COMMD5: variants seen among roughly 807,000 people sequenced by gnomAD.
COMMD5 encodes the protein COMM domain-containing protein 5.
COMMD5 carries 10 observed loss-of-function variants against 6.9 expected under a neutral mutation model. The ratio of observed to expected loss-of-function variants is 1.44; its 90% CI spans 0.89 to 2.45. The LOEUF (loss-of-function observed/expected upper bound fraction) is 2.45. Ranked by LOEUF, COMMD5 falls within the 30% of genes most tolerant of loss-of-function variation. COMMD5 has a pLI of 0.00. For synonymous variants in COMMD5, 127 were observed against 125.3 expected (o/e 1.01, Z -0.09); for missense variants, 234 against 287.8 (o/e 0.81, Z 1.35).
downstream of COMMD5, among the ~76,000 whole-genome samples, chr8:144,845,490 G>A (rs575395052): frequency 3.9e-5 from 6 of 152,278 alleles, no homozygotes; most frequent in African/African-American, 7.2e-5. Context: ...GCTGATGGCA[G>A]GTGGCTTGCT....
At chr8:144,841,419 C>T (rs371057783) in exon 2 of COMMD5, 8 of 1,614,054 alleles carry the variant, frequency 5.0e-6, no homozygotes, top group Non-Finnish European at 5.9e-6. Context: ...AATCAGAATC[C>T]TATGGGACAG....
chr8:144,837,992 A>G, downstream of COMMD5: 1 of 685,318 alleles, frequency 1.5e-6, no homozygotes, highest in South Asian at 1.5e-5. Context: ...AACAACAGAA[A>G]TTTATTGTCT....
Position 144,850,889 on chromosome 8 carries a change from C to G in COMMD5, c.450G>C (p.Pro150=). Residue 150 remains proline (P), a synonymous_variant, in exon 2 of 2, where the codon CCG becomes CCC. Transcript: ENST00000305103. This position sits in a 1 kb window ranked among gnomAD's most constrained non-coding sequence, Gnocchi z 4.0. ...CCCGCCACCGAAAGTCAGCAACATG[C>G]GGCAGCCAGGCCCCCTGCTGCTGGG... ...SVAQQQGAWL[P]HVADFRWRVD... 6.2e-7 allele frequency: 1 copy of G among 1,611,214 alleles called. No homozygotes were observed.
chr8:144,851,827 C>T (rs1456964882), intron 1 of COMMD5, among the ~76,000 whole-genome samples: 1 of 152,166 alleles, frequency 6.6e-6, no homozygotes, highest in African/African-American at 2.4e-5. Context: ...TTACCATTCT[C>T]ACCTGACAGA....
In COMMD5 at chr8:144,842,117, G is replaced by A. The variant is rs141409063; in HGVS notation, c.*117-374C>T. 9.4e-4 allele frequency: 1,511 copies of A among 1,613,856 alleles called. 20 individuals carry two copies. Among genetic ancestry groups the A allele is most frequent in the Admixed American group, 1.2e-3 (70 of 60,006 alleles). On this transcript the variant is annotated intron_variant and NMD_transcript_variant, in intron 1 of 1. Coordinates refer to the COMMD5 transcript ENST00000530332. ...ACAGGAGAGAGGCCCTATGGTTGTC[G>A]TGAGTGTGGGAAAGCCTTCAGCCAG...
At chr8:144,838,101 G>T (rs147468047), downstream of COMMD5, 43 of 702,960 alleles carry the variant, frequency 6.1e-5, no homozygotes, top group African/African-American at 7.5e-4. Flanking sequence ...CTGCCTCTCC[G>T]GGCAGCTGGT....
chr8:144,840,431 G>A (rs189113793), downstream of COMMD5, among the ~76,000 whole-genome samples: 5 of 152,144 alleles, frequency 3.3e-5, no homozygotes, highest in Admixed American at 6.5e-5. Context: ...GGGTAGACTC[G>A]GGCTGGTTAT....
chr8:144,850,821 T>G lies in COMMD5; in HGVS notation c.518A>C (p.Gln173Pro), dbSNP rs1830701529. ...CTTCAGCTGCATCAGGACGCTCGGC[T>G]GCAGGGAGCGAGCCAGGGCACTGGT... ...ISTSALARSL[Q>P]PSVLMQLKLS... The change falls in exon 2 of 2, where the codon CAG becomes CCG. Residue 173 changes from glutamine (Q) to proline (P), a missense_variant. Coordinates refer to ENST00000305103, the MANE Select transcript of COMMD5 (RefSeq NM_014066.4). This position sits in a 1 kb window ranked among gnomAD's most constrained non-coding sequence, Gnocchi z 4.0. 2 of 1,613,924 alleles carry G rather than the reference T, an allele frequency of 1.2e-6. No homozygotes were observed. The highest frequency in any genetic ancestry group is 1.7e-6 in the Non-Finnish European group (2 of 1,180,046).
Position 144,851,300 on chromosome 8 carries a change from A to G in COMMD5, c.39T>C (p.His13=), listed in dbSNP as rs1256312035. 2.5e-6 allele frequency: 4 copies of G among 1,613,662 alleles called. No homozygotes were observed. The highest frequency in any genetic ancestry group is 3.3e-4 in the Middle Eastern group (2 of 6,082). The change falls in exon 2 of 2, where the codon CAT becomes CAC. Residue 13 remains histidine, a synonymous_variant. Transcript: ENST00000305103. The part of the protein sequence containing the change: ...AVGAATPYLH[H]PGDSHSGRVS... ...CTCGGCCACTGTGACTATCACCAGGATGATGCAGGTATGGAGTTGCAGCCC... is the reference window on the plus strand; with the variant it reads ...CTCGGCCACTGTGACTATCACCAGGGTGATGCAGGTATGGAGTTGCAGCCC...
chr8:144,844,686 G>C (rs918786407), intron 1 of COMMD5, among the ~76,000 whole-genome samples: 1 of 141,340 alleles, frequency 7.1e-6, no homozygotes, highest in Non-Finnish European at 1.5e-5. Context: ...TCCAGCCTGG[G>C]TGACAAGAGT....
At position 144,853,001 on chromosome 8, in the gene COMMD5, G is replaced by C. The variant is rs1830820771; in HGVS notation, c.-220C>G. ...CGAGTCGCCCCCAGCACCTGGCGCCGGCAATCCCCGGCTGATGCAGCCAAA... is the reference window on the plus strand; with the variant it reads ...CGAGTCGCCCCCAGCACCTGGCGCCCGCAATCCCCGGCTGATGCAGCCAAA... On this transcript the variant is annotated 5_prime_UTR_variant, in exon 1 of 2. Transcript: ENST00000305103. 6.6e-6 allele frequency: 1 copy of C among 152,440 alleles called. No homozygotes were observed. 9.4% of individuals were successfully genotyped at this position (152,440 alleles called of 1,614,324 possible). A position where few individuals can be genotyped will look rare whatever the true frequency, so the allele number is the denominator to read the frequency against.
Position 144,850,718 on chromosome 8 carries a change from G to A in COMMD5, c.621C>T (p.Val207=), listed in dbSNP as rs1345365063. Residue 207 remains valine (V), a synonymous_variant, in exon 2 of 2, where the codon GTC becomes GTT. Transcript: ENST00000305103. This position sits in a 1 kb window ranked among gnomAD's most constrained non-coding sequence, Gnocchi z 4.0. ...TCTCCAGATCTGCCATCTCCTTTAGGACCAGGGCCACGCTGTACCGCAGCT... is the reference window on the plus strand; with the variant it reads ...TCTCCAGATCTGCCATCTCCTTTAGAACCAGGGCCACGCTGTACCGCAGCT... The part of the protein sequence containing the change: ...FQELRYSVAL[V]LKEMADLEKR... 1 of 1,613,994 alleles carries A rather than the reference G, an allele frequency of 6.2e-7. No homozygotes were observed.
chr8:144,842,806 A>G, intron 1 of COMMD5: 2 of 1,614,146 alleles, frequency 1.2e-6, no homozygotes, highest in South Asian at 1.1e-5. Flanking sequence ...TCAAAACTCA[A>G]CCCTTTTCCA....
rs1183665759 is a variant in COMMD5 at position 144,850,602 on chromosome 8, C to G, written c.*62G>C. ...GCTGTCGTGGGAAGAGTCAGCTGCA[C>G]TTTGGCACCATCTCAGGTGCCTGTC... On this transcript the variant is annotated 3_prime_UTR_variant, in exon 2 of 2. Coordinates refer to ENST00000305103, the MANE Select transcript of COMMD5 (RefSeq NM_014066.4). This position sits in a 1 kb window ranked among gnomAD's most constrained non-coding sequence, Gnocchi z 4.0. 11 of 1,548,334 alleles carry G rather than the reference C, an allele frequency of 7.1e-6. No homozygotes were observed. The highest frequency in any genetic ancestry group is 1.8e-5 in the Admixed American group (1 of 56,024).
chr8:144,842,453 C>A (rs777841858), intron 1 of COMMD5: 1 of 1,614,090 alleles, frequency 6.2e-7, no homozygotes, highest in East Asian at 2.2e-5. Flanking sequence ...TGTACAAAAG[C>A]CTTTGGTTGT....
chr8:144,841,767 G>C (rs200609680), intron 1 of COMMD5: 12 of 1,614,154 alleles, frequency 7.4e-6, no homozygotes, highest in Non-Finnish European at 1.0e-5. Context: ...TTAATACACA[G>C]AAAATTAGCA....
At chr8:144,841,555 A>C (rs1279311908) in exon 2 of COMMD5, 1 of 1,614,006 alleles carries the variant, frequency 6.2e-7, no homozygotes, top group African/African-American at 1.3e-5. Flanking sequence ...TACCTTCCAA[A>C]ATAACTGTTT....
chr8:144,838,213 A>G (rs770769794), downstream of COMMD5: 2 of 694,690 alleles, frequency 2.9e-6, no homozygotes, highest in Non-Finnish European at 5.3e-6. Flanking sequence ...GTCTGTGTTC[A>G]TGTGGCCATC....
Position 144,851,333 on chromosome 8 carries a change from A to G in COMMD5, c.6T>C (p.Ser2=). The part of the protein sequence containing the change: M[S]AVGAATPYLH... ...GGTATGGAGTTGCAGCCCCCACAGC[A>G]GACATTGCTGCTGCTTCCTCTTTGA... Residue 2 remains serine, a synonymous_variant, in exon 2 of 2, where the codon TCT becomes TCC. Coordinates refer to ENST00000305103, the MANE Select transcript of COMMD5 (RefSeq NM_014066.4). 1 of 1,604,162 alleles carries G rather than the reference A, an allele frequency of 6.2e-7. No individual in the cohort carries two copies. Among genetic ancestry groups the G allele is most frequent in the Non-Finnish European group, 8.5e-7 (1 of 1,172,984 alleles).
Sources: allele counts gnomAD v4.1 joint callset (sites outside exome capture counted in the v4.1 genomes callset), GRCh38; gene constraint gnomAD v4.1.1; non-coding constraint Gnocchi (gnomAD v3.1); transcripts MANE v1.5; gene names NCBI Gene and HGNC (gene_info 2026-07-23, HGNC 2026-07-21).